CRYL1: variants seen among roughly 807,000 people sequenced by gnomAD.
CRYL1 encodes the protein crystallin lambda 1.
In CRYL1, 29 loss-of-function variants were observed where a neutral mutation model predicts 36.6. That is an observed-to-expected ratio of 0.79 (90% confidence interval 0.59 to 1.08). CRYL1 has a LOEUF of 1.08. Among genes scored for constraint, CRYL1 ranks in the 50% least tolerant of loss-of-function variants. CRYL1 has a pLI of 0.00. For synonymous variants in CRYL1, 152 were observed against 151.5 expected, an observed-to-expected ratio of 1.00 and a Z score of -0.02; for missense variants, 411 against 407.9, an observed-to-expected ratio of 1.01 and a Z score of -0.06.
chr13:20,432,329 G>C (rs1348527654), intron 4 of CRYL1, 33 bp from the exon 5 acceptor site: 20 of 1,560,344 alleles, frequency 1.3e-5, no homozygotes, highest in African/African-American at 2.7e-5. Context: ...GGGAGTCAAG[G>C]AGATGATCCT....
chr13:20,438,220 G>T (rs566328843), intron 4 of CRYL1, among the ~76,000 whole-genome samples: 4 of 152,194 alleles, frequency 2.6e-5, no homozygotes, highest in African/African-American at 9.6e-5. Flanking sequence ...ATAAAACCTG[G>T]TGGGCATCTA....
intron 6 of CRYL1, among the ~76,000 whole-genome samples, chr13:20,406,753 A>C (rs73441761): frequency 0.02 from 2,981 of 152,124 alleles, 96 homozygotes; most frequent in African/African-American, 0.067. Context: ...AGACACAAGA[A>C]TCAAGTTGAA....
At position 20,410,448 on chromosome 13, in the gene CRYL1, G is replaced by A. The variant is rs939091205; in HGVS notation, c.739+2834C>T. On this transcript the variant is annotated intron_variant, in intron 6 of 7. Coordinates refer to ENST00000298248, the MANE Select transcript of CRYL1 (RefSeq NM_015974.3). ...ACCTAATGCTAGATGACGAGTTAGT[G>A]GGTGCAGCGCACCAGCATGGCACAT... 8.4e-4 allele frequency among the ~76,000 whole-genome samples: 127 copies of A among 150,800 alleles called. No homozygotes were observed. In the Middle Eastern group the frequency reaches 0.034, roughly 41 times the overall value.
chr13:20,439,687 T>A lies in CRYL1; in HGVS notation c.344A>T (p.Asp115Val), dbSNP rs760274616. 1 of 1,614,074 alleles carries A rather than the reference T, an allele frequency of 6.2e-7. No individual in the cohort carries two copies. The highest frequency in any genetic ancestry group is 1.3e-5 in the African/African-American group (1 of 75,044). ...IFAQLDSIID[D>V]RVILSSSTSC... ...AGTGGAACTGCTTAAGATCACTCGA[T>A]CATCAATGATGGAATCTAACTGAGC... Residue 115 changes from aspartate (D) to valine (V), a missense_variant, in exon 4 of 8, where the codon GAT becomes GTT. Transcript: ENST00000298248.
At chr13:20,437,788 C>T (rs1461856253) in intron 4 of CRYL1, among the ~76,000 whole-genome samples, 1 of 152,134 alleles carries the variant, frequency 6.6e-6, no homozygotes, top group African/African-American at 2.4e-5. Flanking sequence ...TAAAGAGATG[C>T]AGTAAACGTC....
intron 3 of CRYL1, among the ~76,000 whole-genome samples, chr13:20,474,690 C>T (rs1015465877): frequency 6.6e-6 from 1 of 152,202 alleles, no homozygotes; most frequent in African/African-American, 2.4e-5. Context: ...TGCTCACACT[C>T]AGAGTGCTCC....
rs2031641328 is a variant in CRYL1, at chr13:20,415,564, G to C, written c.634-2177C>G. 6.6e-6 allele frequency among the ~76,000 whole-genome samples: 1 copy of C among 152,206 alleles called. No individual in the cohort carries two copies. The highest frequency in any genetic ancestry group is 6.5e-5 in the Admixed American group (1 of 15,288). ...GGGCCAGGGCCACTCACTGTGACCC[G>C]CGACTCCCTTTTAGAGAGCCACTTT... On this transcript the variant is annotated intron_variant, in intron 5 of 7. Transcript: ENST00000298248. The surrounding 1 kb of genome is among the most constrained non-coding windows in gnomAD (Gnocchi z 4.1).
chr13:20,411,504 AAC>A (rs1339353039), intron 6 of CRYL1, among the ~76,000 whole-genome samples: 6 of 152,218 alleles, frequency 3.9e-5, no homozygotes, highest in African/African-American at 1.2e-4. Flanking sequence ...GAGAAAGAAA[AAC>A]ACAGTGGTTA....
chr13:20,503,605 T>C (rs778319274), intron 2 of CRYL1, among the ~76,000 whole-genome samples: 2 of 152,204 alleles, frequency 1.3e-5, no homozygotes, highest in African/African-American at 2.4e-5. Context: ...GACTGGCCGA[T>C]GCAAGCCCGT....
chr13:20,479,590 TTAATA>T (rs2033235488), intron 3 of CRYL1, among the ~76,000 whole-genome samples: 1 of 152,208 alleles, frequency 6.6e-6, no homozygotes, highest in Non-Finnish European at 1.5e-5. Context: ...TAAATGTTGA[TTAATA>T]TAAGTAGAAT....
chr13:20,471,768 G>C (rs999100822), intron 3 of CRYL1, among the ~76,000 whole-genome samples: 1 of 152,014 alleles, frequency 6.6e-6, no homozygotes, highest in South Asian at 2.1e-4. Flanking sequence ...GCTAAAATTC[G>C]AGGATGCTCA....
chr13:20,403,950 T>C lies in CRYL1; in HGVS notation c.*179A>G. 1 of 478,416 alleles carries C rather than the reference T, an allele frequency of 2.1e-6. No homozygotes were observed. The highest frequency in any genetic ancestry group is 3.7e-6 in the Non-Finnish European group (1 of 270,006). 29.6% of individuals were successfully genotyped at this position (478,416 alleles called of 1,614,324 possible). A position where few individuals can be genotyped will look rare whatever the true frequency, so the allele number is the denominator to read the frequency against. ...GCTGCTGTGCCGCCAGGCCCAGGGC[T>C]ATGATCCAAAGTGACGGGCAGACTA... is the stretch of plus-strand genomic sequence containing the variant. On this transcript the variant is annotated 3_prime_UTR_variant, in exon 8 of 8. Coordinates refer to ENST00000298248, the MANE Select transcript of CRYL1 (RefSeq NM_015974.3).
At position 20,489,388 on chromosome 13, in the gene CRYL1, C is replaced by T. The variant is rs1259843553; in HGVS notation, c.258G>A (p.Glu86=). 3 of 1,613,476 alleles carry T rather than the reference C, an allele frequency of 1.9e-6. No individual in the cohort carries two copies. Among genetic ancestry groups the T allele is most frequent in the Admixed American group, 1.7e-5 (1 of 60,018 alleles). ...CACTCACCTGAATGTGCATGGCACC[C>T]TCTACTGCTTCTTGGATATTGGGAC... ...SGCPNIQEAV[E]GAMHIQECVP... Residue 86 remains glutamate (E), a synonymous_variant, in exon 3 of 8, where the codon GAG becomes GAA. Coordinates refer to ENST00000298248, the MANE Select transcript of CRYL1 (RefSeq NM_015974.3).
At chr13:20,483,985 T>C (rs1163664521) in intron 3 of CRYL1, among the ~76,000 whole-genome samples, 1 of 152,110 alleles carries the variant, frequency 6.6e-6, no homozygotes, top group Non-Finnish European at 1.5e-5. Flanking sequence ...CCTGGCTAAT[T>C]TTTTGTATTT....
At chr13:20,407,850 T>C (rs973154487) in intron 6 of CRYL1, among the ~76,000 whole-genome samples, 5 of 152,140 alleles carry the variant, frequency 3.3e-5, no homozygotes, top group Admixed American at 2.0e-4. Context: ...GGACAGTGGG[T>C]TTGAATGCCC....
intron 3 of CRYL1, among the ~76,000 whole-genome samples, chr13:20,450,798 C>G (rs562055068): frequency 4.8e-4 from 73 of 152,254 alleles, no homozygotes; most frequent in African/African-American, 1.7e-3. Flanking sequence ...ATAGCAAAGA[C>G]TTGGAACCAA....
Position 20,525,812 on chromosome 13 carries a change from G to C in CRYL1, c.-18C>G, listed in dbSNP as rs1022444857. The C allele has an allele frequency of 8.1e-7, 1 of 1,230,748 alleles. No homozygotes were observed. Among genetic ancestry groups the C allele is most frequent in the Non-Finnish European group, 1.0e-6 (1 of 986,142 alleles). 76.2% of individuals were successfully genotyped at this position (1,230,748 alleles called of 1,614,324 possible). ...GACGCCATGGTTGGGCCGGGGACGC[G>C]GCGCCGCGGGCGCTGGGACCAGGCG... On this transcript the variant is annotated 5_prime_UTR_variant, in exon 1 of 8. Transcript: ENST00000298248. The surrounding 1 kb of genome is among the most constrained non-coding windows in gnomAD (Gnocchi z 4.3).
At chr13:20,469,107 A>G (rs908475711) in intron 3 of CRYL1, among the ~76,000 whole-genome samples, 1 of 152,188 alleles carries the variant, frequency 6.6e-6, no homozygotes, top group Non-Finnish European at 1.5e-5. Context: ...GATACGACCA[A>G]CAACTTACTT....
chr13:20,436,988 G>A (rs1453035287), intron 4 of CRYL1, among the ~76,000 whole-genome samples: 3 of 152,024 alleles, frequency 2.0e-5, no homozygotes, highest in African/African-American at 7.2e-5. Flanking sequence ...GTCCCCTAGA[G>A]GTCCCGTGGG....
Sources: gnomAD v4.1 joint callset for allele counts (sites outside exome capture counted in the v4.1 genomes callset) on GRCh38, gnomAD v4.1.1 for gene constraint, Gnocchi (gnomAD v3.1) non-coding constraint, MANE v1.5 for transcripts, NCBI Gene and HGNC (gene_info 2026-07-23, HGNC 2026-07-21) for gene names.